Variants in PACS2 observed in about 807,000 individuals in gnomAD.
PACS2 encodes phosphofurin acidic cluster sorting protein 2.
A neutral mutation model predicts 113.0 loss-of-function variants in PACS2; 36 were observed. The observed-to-expected ratio is 0.32, with a 90% CI of 0.24 to 0.42. PACS2 has a LOEUF of 0.42. Among genes scored for constraint, PACS2 ranks in the 10% least tolerant of loss-of-function variants. PACS2 has a pLI of 1.00. For synonymous variants in PACS2, 589 were observed against 536.1 expected (o/e 1.10, Z -1.36); for missense variants, 1,015 against 1,239.5 (o/e 0.82, Z 2.72).
At chr14:105,381,175 G>T in intron 12 of PACS2, 76 bp downstream of exon 12, 1 of 1,335,500 alleles carries the variant, frequency 7.5e-7, no homozygotes, top group South Asian at 1.4e-5. Context: ...ATCAGTCGGG[G>T]TGGGTGCGTG....
At chr14:105,350,763 G>A (rs587762199) in intron 2 of PACS2, among the ~76,000 whole-genome samples, 14 of 152,360 alleles carry the variant, frequency 9.2e-5, no homozygotes, top group African/African-American at 3.1e-4. Context: ...TCCTCTGAGG[G>A]GGGAATGCTA....
In PACS2 at chr14:105,354,111, C is replaced by T. The variant is rs929722100; in HGVS notation, c.298-941C>T. Among the ~76,000 whole-genome samples the T allele has an allele frequency of 5.3e-5, 8 of 151,806 alleles. No homozygotes were observed. Among genetic ancestry groups the T allele is most frequent in the African/African-American group, 1.2e-4 (5 of 41,312 alleles). ...TCAAAAAAAAGAGAGAATATAATAA[C>T]GAGGGCAAAAAAACACTTACTGAGT... On this transcript the variant is annotated intron_variant, in intron 3 of 24. Transcript: ENST00000447393. The surrounding 1 kb of genome is among the most constrained non-coding windows in gnomAD (Gnocchi z 4.2).
chr14:105,334,698 G>T lies in PACS2; in HGVS notation c.120-13795G>T, dbSNP rs147758938. Among the ~76,000 whole-genome samples the T allele has an allele frequency of 2.8e-4, 42 of 151,352 alleles. No homozygotes were observed. The South Asian group carries it at 5.2e-3, about 19-fold the overall frequency. ...TGTGTAGAGCTCCACCTGAGGGCCA[G>T]TGTGTGCTTGGTGCCCACAGCTGAG... On this transcript the variant is annotated intron_variant, in intron 1 of 24. Transcript: ENST00000447393.
intron 12 of PACS2, 37 bp downstream of exon 12, chr14:105,381,136 C>T (rs782089220): frequency 4.4e-6 from 7 of 1,579,940 alleles, no homozygotes; most frequent in South Asian, 1.1e-5. Context: ...GGCGGTGATG[C>T]ACCTGTCGGG....
chr14:105,372,007 T>G (rs1049122948), intron 8 of PACS2: 3 of 152,248 alleles, frequency 2.0e-5, no homozygotes, highest in African/African-American at 7.2e-5. Context: ...TAACCACCTG[T>G]TAGAGGCCCC....
At chr14:105,336,948 C>T (rs1053705099) in intron 1 of PACS2, among the ~76,000 whole-genome samples, 1 of 152,210 alleles carries the variant, frequency 6.6e-6, no homozygotes. Flanking sequence ...TTCACAGCAG[C>T]CTTACTCACG....
chr14:105,393,188 C>T, intron 23 of PACS2, 34 bp from the exon 24 acceptor site: 2 of 1,533,226 alleles, frequency 1.3e-6, no homozygotes, highest in Non-Finnish European at 1.8e-6. Flanking sequence ...GAAGGAGCAG[C>T]AAGATGACAG....
At chr14:105,320,300 C>G (rs1196739896) in intron 1 of PACS2, among the ~76,000 whole-genome samples, 2 of 152,150 alleles carry the variant, frequency 1.3e-5, no homozygotes, top group African/African-American at 4.8e-5. Flanking sequence ...TAACATTAAC[C>G]TATTCCTGGA....
chr14:105,369,882 G>A lies in PACS2; in HGVS notation c.783G>A (p.Arg261=). 3 of 1,604,390 alleles carry A rather than the reference G, an allele frequency of 1.9e-6. No homozygotes were observed. Among genetic ancestry groups the A allele is most frequent in the Non-Finnish European group, 1.7e-6 (2 of 1,178,356 alleles). ...FKQKVVALLR[R]FKVSDEVLDS... Reference sequence around the variant, plus strand: ...AGAAAGTGGTAGCGCTGCTGCGGAGGTTCAAAGTGTCCGACGAGGTGAGTG... The same window carrying A: ...AGAAAGTGGTAGCGCTGCTGCGGAGATTCAAAGTGTCCGACGAGGTGAGTG... Residue 261 remains arginine, a synonymous_variant, in exon 8 of 25, where the codon AGG becomes AGA. Coordinates refer to ENST00000447393, the MANE Select transcript of PACS2 (RefSeq NM_001100913.3).
Position 105,354,960 on chromosome 14 carries a change from C to A in PACS2, c.298-92C>A. ...CTCATGGGCAGCAGGTTGGCCTGGT[C>A]GCAGGCTGCAGGGTGGCTGGGCCGT... On this transcript the variant is annotated intron_variant, in intron 3 of 24. Coordinates refer to ENST00000447393, the MANE Select transcript of PACS2 (RefSeq NM_001100913.3). This position sits in a 1 kb window ranked among gnomAD's most constrained non-coding sequence, Gnocchi z 4.2. The A allele has an allele frequency of 7.4e-7, 1 of 1,353,808 alleles. No individual in the cohort carries two copies. The highest frequency in any genetic ancestry group is 1.0e-6 in the Non-Finnish European group (1 of 979,774). 83.9% of individuals were successfully genotyped at this position (1,353,808 alleles called of 1,614,324 possible).
At chr14:105,342,230 CTGTGTGTGTGTG>C (rs373390359) in intron 1 of PACS2, among the ~76,000 whole-genome samples, 17 of 140,338 alleles carry the variant, frequency 1.2e-4, no homozygotes, top group South Asian at 7.0e-4. Context: ...AAGCTGCTGC[CTGTGTGTGTGTG>C]TGTGTGTGTG....
chr14:105,326,655 A>G (rs1056242073), intron 1 of PACS2, among the ~76,000 whole-genome samples: 2 of 152,192 alleles, frequency 1.3e-5, no homozygotes, highest in African/African-American at 4.8e-5. Context: ...GGTCTGGCCT[A>G]GGGCTCTCCT....
intron 7 of PACS2, among the ~76,000 whole-genome samples, chr14:105,369,523 T>C (rs1399312263): frequency 2.0e-5 from 3 of 151,996 alleles, no homozygotes; most frequent in Non-Finnish European, 4.4e-5. Context: ...CCTTCTGGGG[T>C]CGGCCAGGGC....
At chr14:105,302,951 T>C (rs1209228879) in intron 1 of PACS2, among the ~76,000 whole-genome samples, 9 of 151,972 alleles carry the variant, frequency 5.9e-5, no homozygotes, top group Non-Finnish European at 1.3e-4. Flanking sequence ...TTCTTTTTTT[T>C]TTTTGAGATA....
rs782807257 is a variant in PACS2 at position 105,379,765 on chromosome 14, C to T, written c.986C>T (p.Ser329Leu). Reference sequence around the variant, plus strand: ...CCATACTTTGAAGGCCTGTCGCACTCGAGCTCGCAGACGGAGATTGGGAGC... The same window carrying T: ...CCATACTTTGAAGGCCTGTCGCACTTGAGCTCGCAGACGGAGATTGGGAGC... ...LRPYFEGLSHSSSQTEIGSIH... is the reference protein window; with the variant it reads ...LRPYFEGLSHLSSQTEIGSIH... The change falls in exon 10 of 25, where the codon TCG becomes TTG. Residue 329 changes from serine (S) to leucine (L), a missense_variant. Physicochemically the swap from Ser to Leu is moderately radical, Grantham distance 145. This residue lies in a region of PACS2 where 859 missense variants were observed against 1,056.8 expected (regional missense o/e 0.81). Transcript: ENST00000447393. 5.6e-6 allele frequency: 9 copies of T among 1,613,748 alleles called. 1 individual carries two copies. Among genetic ancestry groups the T allele is most frequent in the Non-Finnish European group, 7.6e-6 (9 of 1,179,984 alleles).
intron 20 of PACS2, chr14:105,390,347 C>G: frequency 2.8e-6 from 1 of 358,078 alleles, no homozygotes; most frequent in South Asian, 3.0e-5. Context: ...CGCCTCTGTC[C>G]TTTAGGAGCC....
Position 105,366,952 on chromosome 14 carries a change from T to C in PACS2, c.424-261T>C, listed in dbSNP as rs587619085. On this transcript the variant is annotated intron_variant, in intron 4 of 24. Transcript: ENST00000447393. The surrounding 1 kb of genome is among the most constrained non-coding windows in gnomAD (Gnocchi z 4.3). The stretch of plus-strand genomic sequence containing the variant: ...TCCAGCACAGCCCAGTGCCCTCTGC[T>C]TATGGCCCGTTCGTGAAAGCTCCCA... 6.6e-6 allele frequency among the ~76,000 whole-genome samples: 1 copy of C among 152,260 alleles called. No individual in the cohort carries two copies. Among genetic ancestry groups the C allele is most frequent in the East Asian group, 1.9e-4 (1 of 5,178 alleles).
intron 4 of PACS2, among the ~76,000 whole-genome samples, chr14:105,364,560 G>A (rs1460807908): frequency 6.6e-6 from 1 of 151,058 alleles, no homozygotes; most frequent in African/African-American, 2.4e-5. Context: ...TGCGATGTTG[G>A]CAAGAGGACG....
chr14:105,313,232 C>T (rs2058398644), upstream of PACS2, among the ~76,000 whole-genome samples: 2 of 152,210 alleles, frequency 1.3e-5, no homozygotes, highest in South Asian at 2.1e-4. Flanking sequence ...GGTCCAGCAG[C>T]GCCGTACGCT....
Sources: gnomAD v4.1 joint callset for allele counts (sites outside exome capture counted in the v4.1 genomes callset) on GRCh38, gnomAD v4.1.1 for gene constraint, gnomAD v4.1.1 regional missense constraint, Gnocchi (gnomAD v3.1) non-coding constraint, MANE v1.5 for transcripts, NCBI Gene and HGNC (gene_info 2026-07-23, HGNC 2026-07-21) for gene names.